The following MFN1 variants were observed in gnomAD, a reference collection of about 807,000 sequenced individuals.
MFN1 encodes the protein mitofusin-1.
Under a neutral mutation model 92.4 loss-of-function variants are expected in MFN1, and 65 were observed. The observed-to-expected ratio is 0.70, with a 90% CI of 0.58 to 0.86. The LOEUF (loss-of-function observed/expected upper bound fraction) is 0.86. Ranked by LOEUF, MFN1 falls within the 40% of genes least tolerant of loss-of-function variation. MFN1 has a pLI of 0.00. For synonymous variants in MFN1, 297 were observed against 300.9 expected, an observed-to-expected ratio of 0.99 and a Z score of 0.13; for missense variants, 781 against 868.0, an observed-to-expected ratio of 0.90 and a Z score of 1.26.
intron 2 of MFN1, among the ~76,000 whole-genome samples, chr3:179,350,346 A>C (rs1044523123): frequency 2.6e-5 from 4 of 152,054 alleles, no homozygotes; most frequent in Non-Finnish European, 4.4e-5. Context: ...TATTCCTAGC[A>C]CCAGACTTGA....
At chr3:179,366,571 C>T (rs1182678868) in intron 7 of MFN1, among the ~76,000 whole-genome samples, 1 of 152,140 alleles carries the variant, frequency 6.6e-6, no homozygotes, top group Admixed American at 6.6e-5. Flanking sequence ...TCACTGTTCA[C>T]ATGATAAAAT....
intron 14 of MFN1, among the ~76,000 whole-genome samples, chr3:179,385,161 C>T (rs1388723858): frequency 6.6e-6 from 1 of 151,450 alleles, no homozygotes; most frequent in Non-Finnish European, 1.5e-5. Flanking sequence ...GATCCATCCA[C>T]CTCGGCCTCC....
intron 14 of MFN1, among the ~76,000 whole-genome samples, chr3:179,379,468 C>T (rs953109867): frequency 3.3e-5 from 5 of 152,188 alleles, no homozygotes; most frequent in African/African-American, 1.2e-4. Flanking sequence ...ATTCTCCTGC[C>T]TCAGCCTCCT....
chr3:179,377,654 C>G (rs941426128), intron 12 of MFN1, among the ~76,000 whole-genome samples: 7 of 152,100 alleles, frequency 4.6e-5, no homozygotes, highest in African/African-American at 1.4e-4. Context: ...CATTTTAGGA[C>G]GAGGCACAGT....
At chr3:179,370,513 G>A (rs1423267828) in intron 9 of MFN1, among the ~76,000 whole-genome samples, 1 of 150,374 alleles carries the variant, frequency 6.7e-6, no homozygotes, top group East Asian at 2.0e-4. Flanking sequence ...CTGGGTTCAA[G>A]GGACTCTTCT....
At chr3:179,384,900 CTTTTTTT>C (rs35563595) in intron 14 of MFN1, among the ~76,000 whole-genome samples, 7 of 84,656 alleles carry the variant, frequency 8.3e-5, no homozygotes, top group East Asian at 3.1e-4. Context: ...TTTTGAAGTC[CTTTTTTT>C]TTTTTTTTTT....
intron 4 of MFN1, among the ~76,000 whole-genome samples, chr3:179,360,995 A>C (rs1340841885): frequency 6.6e-6 from 1 of 152,104 alleles, no homozygotes; most frequent in Non-Finnish European, 1.5e-5. Context: ...ATAGTGGCGC[A>C]TACCTGTAGT....
At chr3:179,385,980 CAAAG>C (rs1044098160) in intron 15 of MFN1, among the ~76,000 whole-genome samples, 5 of 152,140 alleles carry the variant, frequency 3.3e-5, no homozygotes, top group African/African-American at 1.2e-4. Context: ...TCACAGCACA[CAAAG>C]AAATATTTGT....
intron 7 of MFN1, 117 bp from the exon 8 acceptor site, chr3:179,367,322 T>G (rs1043574518): frequency 3.8e-5 from 28 of 734,440 alleles, no homozygotes; most frequent in Non-Finnish European, 5.4e-5. Context: ...TTAAATTCAT[T>G]AGTTATATGG....
chr3:179,365,180 T>C lies in MFN1; in HGVS notation c.708T>C (p.Asn236=), dbSNP rs765132884. ...CCAAGCCTAATATTTTCATTCTCAA[T>C]AATCGTTGGGATGCCTCTGCATCAG... ...RLSKPNIFIL[N]NRWDASASEP... The change falls in exon 7 of 18, where the codon AAT becomes AAC. Residue 236 remains asparagine, a synonymous_variant. Transcript: ENST00000471841. The C allele has an allele frequency of 3.9e-6, 6 of 1,555,476 alleles. No individual in the cohort carries two copies. In the African/African-American group the frequency reaches 8.5e-5, roughly 22 times the overall value.
At chr3:179,377,204 G>T in intron 11 of MFN1, 36 bp downstream of exon 11, 1 of 1,587,960 alleles carries the variant, frequency 6.3e-7, no homozygotes, top group Non-Finnish European at 8.6e-7. Flanking sequence ...AAATAACCTG[G>T]ATGGAAATTA....
chr3:179,390,472 T>G (rs1429973053), intron 17 of MFN1, among the ~76,000 whole-genome samples: 1 of 152,214 alleles, frequency 6.6e-6, no homozygotes, highest in African/African-American at 2.4e-5. Context: ...TAAAAGTGAA[T>G]TTTTAGTTGT....
In MFN1 at chr3:179,386,199, A is replaced by G. The variant is rs528647364; in HGVS notation, c.1816-234A>G. 2.6e-5 allele frequency among the ~76,000 whole-genome samples: 4 copies of G among 152,250 alleles called. No homozygotes were observed. The East Asian group carries it at 5.8e-4, about 22-fold the overall frequency. On this transcript the variant is annotated intron_variant, in intron 15 of 17. Coordinates refer to ENST00000471841, the MANE Select transcript of MFN1 (RefSeq NM_033540.3). ...TATTTAACATTGTTTTATTTTTGAG[A>G]TACATTGAATCAGGATAAGTCTGGC...
intron 9 of MFN1, among the ~76,000 whole-genome samples, chr3:179,369,712 G>A (rs942596437): frequency 4.6e-5 from 7 of 152,130 alleles, no homozygotes. Context: ...GATCCAGGGG[G>A]TTGGGGTTGG....
At chr3:179,359,579 C>G (rs1017240662) in intron 4 of MFN1, 8 of 149,560 alleles carry the variant, frequency 5.3e-5, no homozygotes, top group African/African-American at 2.0e-4. Flanking sequence ...CACCATCATG[C>G]CCAGCTAATT....
intron 4 of MFN1, among the ~76,000 whole-genome samples, chr3:179,360,213 G>T (rs1163367772): frequency 6.6e-6 from 1 of 152,208 alleles, no homozygotes; most frequent in East Asian, 1.9e-4. Context: ...ACCACGCCCG[G>T]CTGAGACTAA....
chr3:179,377,207 G>A (rs367627304), intron 11 of MFN1, 39 bp downstream of exon 11: 3 of 1,585,320 alleles, frequency 1.9e-6, no homozygotes, highest in African/African-American at 1.4e-5. Flanking sequence ...TAACCTGGAT[G>A]GAAATTATTT....
chr3:179,376,862 A>G, intron 10 of MFN1, 180 bp from the exon 11 acceptor site: 1 of 484,136 alleles, frequency 2.1e-6, no homozygotes, highest in Admixed American at 4.0e-5. Context: ...GGTTTCTATC[A>G]AATCATCTAT....
intron 7 of MFN1, among the ~76,000 whole-genome samples, chr3:179,366,409 G>A (rs1240660150): frequency 1.3e-5 from 2 of 148,816 alleles, no homozygotes; most frequent in Non-Finnish European, 3.0e-5. Context: ...TGGCATTTTA[G>A]TCACACCAAT....
Sources: gnomAD v4.1 joint callset for allele counts (sites outside exome capture counted in the v4.1 genomes callset) on GRCh38, gnomAD v4.1.1 for gene constraint, MANE v1.5 for transcripts, NCBI Gene and HGNC (gene_info 2026-07-23, HGNC 2026-07-21) for gene names.